The following AP3B1 variants were observed in gnomAD, a reference collection of about 807,000 sequenced individuals.
The protein encoded by AP3B1 is AP-3 complex subunit beta-1.
AP3B1 carries 61 observed loss-of-function variants against 132.5 expected under a neutral mutation model. That is an observed-to-expected ratio of 0.46 (90% CI 0.37 to 0.57). AP3B1 has a LOEUF of 0.57. AP3B1 is among the 20% of genes least tolerant of loss of function. The pLI is 0.00. For missense variants in AP3B1, 1,120 were observed against 1,289.4 expected, an observed-to-expected ratio of 0.87 and a Z score of 2.01; for synonymous variants, 388 against 438.3, an observed-to-expected ratio of 0.89 and a Z score of 1.43.
At chr5:78,015,224 T>C (rs1746806375) in intron 26 of AP3B1, among the ~76,000 whole-genome samples, 186 bp downstream of exon 26, 1 of 152,224 alleles carries the variant, frequency 6.6e-6, no homozygotes, top group East Asian at 1.9e-4. Context: ...AAGGATGCTC[T>C]GAGATGGGAA....
At chr5:78,113,091 C>T (rs1450571264) in intron 19 of AP3B1, among the ~76,000 whole-genome samples, 2 of 152,172 alleles carry the variant, frequency 1.3e-5, no homozygotes, top group African/African-American at 2.4e-5. Flanking sequence ...CTGTCAGCCA[C>T]GACTGAGCCG....
chr5:78,008,103 A>C (rs1746473114), intron 26 of AP3B1, among the ~76,000 whole-genome samples: 1 of 152,128 alleles, frequency 6.6e-6, no homozygotes, highest in Non-Finnish European at 1.5e-5. Context: ...AAGCTAAAAA[A>C]TCTAAGTGCC....
intron 26 of AP3B1, among the ~76,000 whole-genome samples, chr5:78,008,601 A>G (rs531077876): frequency 6.6e-6 from 1 of 152,294 alleles, no homozygotes; most frequent in South Asian, 2.1e-4. Context: ...TTTGATTACT[A>G]AAGAGGTTCT....
intron 2 of AP3B1, among the ~76,000 whole-genome samples, chr5:78,250,494 G>A (rs1747584883): frequency 6.6e-6 from 1 of 152,066 alleles, no homozygotes; most frequent in African/African-American, 2.4e-5. Flanking sequence ...CCACAATGGA[G>A]CCTGAAATTA....
At chr5:78,230,955 TA>T (rs1237843637) in intron 3 of AP3B1, among the ~76,000 whole-genome samples, 4 of 151,716 alleles carry the variant, frequency 2.6e-5, no homozygotes, top group Admixed American at 1.3e-4. Context: ...CCATCTCTAC[TA>T]AAAATACAAA....
intron 22 of AP3B1, among the ~76,000 whole-genome samples, chr5:78,074,979 T>C (rs533483057): frequency 6.6e-6 from 1 of 152,288 alleles, no homozygotes; most frequent in Admixed American, 6.5e-5. Flanking sequence ...AACTTTATCA[T>C]ATAATTTTTT....
At chr5:78,059,592 T>A (rs962212389) in intron 22 of AP3B1, among the ~76,000 whole-genome samples, 1 of 152,142 alleles carries the variant, frequency 6.6e-6, no homozygotes, top group African/African-American at 2.4e-5. Flanking sequence ...AAACTCCAAC[T>A]ATTATAGACA....
At chr5:78,080,385 G>A (rs79899904) in intron 22 of AP3B1, among the ~76,000 whole-genome samples, 7,268 of 151,110 alleles carry the variant, frequency 0.048, 573 homozygotes, top group African/African-American at 0.16. Flanking sequence ...AACTGGCACA[G>A]TATTCCATTG....
At chr5:78,045,511 T>G (rs1748291084) in intron 22 of AP3B1, among the ~76,000 whole-genome samples, 1 of 152,196 alleles carries the variant, frequency 6.6e-6, no homozygotes, top group South Asian at 2.1e-4. Context: ...ATAGGTGATA[T>G]TTTGTTCAAT....
At chr5:78,039,489 T>C (rs549423223) in intron 22 of AP3B1, among the ~76,000 whole-genome samples, 1 of 152,230 alleles carries the variant, frequency 6.6e-6, no homozygotes, top group South Asian at 2.1e-4. Flanking sequence ...AATTTTTCTG[T>C]AAGCGGCTGG....
chr5:78,208,163 G>A (rs1349714850), intron 7 of AP3B1, among the ~76,000 whole-genome samples: 1 of 152,056 alleles, frequency 6.6e-6, no homozygotes, highest in Non-Finnish European at 1.5e-5. Flanking sequence ...ATGAAATTAA[G>A]TTCTAGAAAA....
intron 22 of AP3B1, among the ~76,000 whole-genome samples, chr5:78,078,803 T>C (rs748134113): frequency 5.3e-5 from 8 of 152,242 alleles, no homozygotes; most frequent in Non-Finnish European, 1.0e-4. Flanking sequence ...AGCATAGTGA[T>C]TTAGTCATAC....
At chr5:78,161,144 T>C (rs535844103) in intron 13 of AP3B1, among the ~76,000 whole-genome samples, 5 of 152,106 alleles carry the variant, frequency 3.3e-5, no homozygotes, top group Non-Finnish European at 5.9e-5. Flanking sequence ...TGTAAAACAA[T>C]CTAGTCTTCC....
intron 7 of AP3B1, among the ~76,000 whole-genome samples, chr5:78,193,280 A>C (rs1375226002): frequency 6.6e-6 from 1 of 152,194 alleles, no homozygotes; most frequent in Admixed American, 6.5e-5. Context: ...GAGGAATCAA[A>C]GTTTATATCT....
chr5:78,256,233 G>C (rs191230920), intron 2 of AP3B1, among the ~76,000 whole-genome samples: 1 of 151,686 alleles, frequency 6.6e-6, no homozygotes, highest in African/African-American at 2.4e-5. Context: ...GAAACAAAAA[G>C]CTTTTTTTGA....
At chr5:78,288,219 G>A (rs917367320) in intron 1 of AP3B1, among the ~76,000 whole-genome samples, 2 of 152,120 alleles carry the variant, frequency 1.3e-5, no homozygotes, top group Non-Finnish European at 2.9e-5. Context: ...CTGAAAAGTT[G>A]AATTACACAA....
intron 22 of AP3B1, among the ~76,000 whole-genome samples, chr5:78,088,823 TA>T (rs1190729776): frequency 1.3e-5 from 2 of 152,210 alleles, no homozygotes; most frequent in African/African-American, 4.8e-5. Flanking sequence ...CAGCTTCAAA[TA>T]CCATGATATG....
Position 78,046,954 on chromosome 5 carries a change from T to C in AP3B1, c.2578-7680A>G, listed in dbSNP as rs2112116398. Among the ~76,000 whole-genome samples, 2 of 152,152 alleles carry C rather than the reference T, an allele frequency of 1.3e-5. 1 individual carries two copies. The highest frequency in any genetic ancestry group is 4.2e-4 in the South Asian group (2 of 4,818). On this transcript the variant is annotated intron_variant, in intron 22 of 26. Coordinates refer to ENST00000255194, the MANE Select transcript of AP3B1 (RefSeq NM_003664.5). ...CATTTATGAGTGAGAACATGCGGTG[T>C]TTGGTTTTCTATTCCTGTTAGTTTA...
chr5:78,050,030 C>T (rs1000141220), intron 22 of AP3B1, among the ~76,000 whole-genome samples: 5 of 152,128 alleles, frequency 3.3e-5, no homozygotes, highest in African/African-American at 1.2e-4. Flanking sequence ...CTCTTGAACT[C>T]GTTGTTTATT....
Sources: gnomAD v4.1 joint callset for allele counts (sites outside exome capture counted in the v4.1 genomes callset) on GRCh38, gnomAD v4.1.1 for gene constraint, MANE v1.5 for transcripts, NCBI Gene and HGNC (gene_info 2026-07-23, HGNC 2026-07-21) for gene names.